The following RSPO2 variants were observed in gnomAD, a reference collection of about 807,000 sequenced individuals.
RSPO2 encodes the protein R-spondin-2.
RSPO2 carries 14 observed loss-of-function variants against 30.9 expected under a neutral mutation model. That is an observed-to-expected ratio of 0.45 (90% confidence interval 0.30 to 0.71). RSPO2 has a LOEUF of 0.71. Ranked by LOEUF, RSPO2 falls within the 30% of genes least tolerant of loss-of-function variation. The probability of loss-of-function intolerance (pLI) is 0.08; values close to 1 mark genes in which losing one functional copy is unlikely to be tolerated. For missense variants in RSPO2, 264 were observed against 301.9 expected, an observed-to-expected ratio of 0.87 and a Z score of 0.93; for synonymous variants, 107 against 96.4, an observed-to-expected ratio of 1.11 and a Z score of -0.64.
In RSPO2 at chr8:107,988,970, T is replaced by A. The variant is rs114645439; in HGVS notation, c.283+86A>T. 5,713 of 1,258,568 alleles carry A rather than the reference T, an allele frequency of 4.5e-3. 89 individuals carry two copies. In the African/African-American group the frequency reaches 0.047, roughly 10 times the overall value. The allele number at this position is 1,258,568 out of a possible 1,614,324, so 78.0% of individuals were successfully genotyped here. ...TCACCTATTACAAACACATTTTTTT[T>A]AAAAAAATCATTCAAAATCTTCAAC... On this transcript the variant is annotated intron_variant, in intron 3 of 5. Coordinates refer to ENST00000276659, the MANE Select transcript of RSPO2 (RefSeq NM_178565.5).
chr8:107,906,052 A>C (rs1195226728), intron 5 of RSPO2, among the ~76,000 whole-genome samples: 1 of 152,048 alleles, frequency 6.6e-6, no homozygotes, highest in African/African-American at 2.4e-5. Flanking sequence ...ACTTGTAAGA[A>C]TGTCATGAGA....
chr8:107,992,506 A>G (rs1814881298), intron 2 of RSPO2, among the ~76,000 whole-genome samples: 1 of 152,138 alleles, frequency 6.6e-6, no homozygotes, highest in African/African-American at 2.4e-5. Context: ...AACCCCCATG[A>G]CACAAGTTTA....
intron 3 of RSPO2, 25 bp from the exon 4 acceptor site, chr8:107,960,842 A>G: frequency 6.5e-7 from 1 of 1,530,908 alleles, no homozygotes; most frequent in Non-Finnish European, 8.8e-7. Flanking sequence ...AAAGAGAAAA[A>G]AGAAAATTTC....
chr8:107,987,184 C>T (rs914268168), intron 3 of RSPO2, among the ~76,000 whole-genome samples: 2 of 152,134 alleles, frequency 1.3e-5, no homozygotes, highest in African/African-American at 4.8e-5. Context: ...CCAGGCCCCA[C>T]TGGTTCTATT....
At chr8:107,974,231 A>T (rs1023004510) in intron 3 of RSPO2, among the ~76,000 whole-genome samples, 1 of 152,030 alleles carries the variant, frequency 6.6e-6, no homozygotes, top group Non-Finnish European at 1.5e-5. Flanking sequence ...TTATGCCAGT[A>T]ATTCCAACAC....
intron 5 of RSPO2, among the ~76,000 whole-genome samples, chr8:107,936,375 A>C (rs1467327751): frequency 6.6e-6 from 1 of 152,090 alleles, no homozygotes; most frequent in Non-Finnish European, 1.5e-5. Flanking sequence ...GTTTGATTCC[A>C]TATCTTTGCT....
intron 3 of RSPO2, among the ~76,000 whole-genome samples, chr8:107,973,697 C>T (rs999513662): frequency 3.9e-5 from 6 of 152,136 alleles, no homozygotes; most frequent in African/African-American, 1.4e-4. Flanking sequence ...TTTTCTCCAG[C>T]CCCTGAAAGG....
At chr8:108,008,371 G>A (rs1312801800) in intron 2 of RSPO2, among the ~76,000 whole-genome samples, 1 of 152,136 alleles carries the variant, frequency 6.6e-6, no homozygotes, top group Non-Finnish European at 1.5e-5. Context: ...GTTCATCACT[G>A]TTGGGTAGCC....
chr8:108,068,253 G>C (rs1191361395), intron 2 of RSPO2, among the ~76,000 whole-genome samples: 1 of 152,184 alleles, frequency 6.6e-6, no homozygotes, highest in Admixed American at 6.5e-5. Context: ...AAAGGAACTT[G>C]AGGTTACATA....
intron 5 of RSPO2, among the ~76,000 whole-genome samples, chr8:107,930,404 A>C (rs575360964): frequency 6.6e-6 from 1 of 152,332 alleles, no homozygotes; most frequent in East Asian, 1.9e-4. Context: ...AAGAGAAATT[A>C]AATTTCACAG....
At chr8:108,024,749 G>A (rs56390511) in intron 2 of RSPO2, among the ~76,000 whole-genome samples, 57 of 152,302 alleles carry the variant, frequency 3.7e-4, no homozygotes, top group Non-Finnish European at 7.2e-4. Context: ...GCTGGGCATG[G>A]TGGCTCACGC....
chr8:107,901,644 A>G (rs944400569), intron 5 of RSPO2, among the ~76,000 whole-genome samples: 1 of 152,250 alleles, frequency 6.6e-6, no homozygotes, highest in Non-Finnish European at 1.5e-5. Context: ...GGGGAAAAAG[A>G]GTCTTGCTTT....
rs1337201568 is a variant in RSPO2 at position 107,900,737 on chromosome 8, C to G, written c.*338G>C. On this transcript the variant is annotated 3_prime_UTR_variant, in exon 6 of 6. Transcript: ENST00000276659. ...AGTGAGTAGCGCATTGCCTGCCAAG[C>G]ATCTTCTTTCACATAAATAGGCACA... 4.7e-6 allele frequency: 1 copy of G among 211,738 alleles called. No homozygotes were observed. The highest frequency in any genetic ancestry group is 9.3e-6 in the Non-Finnish European group (1 of 107,330). 13.1% of individuals were successfully genotyped at this position (211,738 alleles called of 1,614,324 possible). A position where few individuals can be genotyped will look rare whatever the true frequency, so the allele number is the denominator to read the frequency against.
intron 5 of RSPO2, among the ~76,000 whole-genome samples, chr8:107,911,442 G>T (rs1425157564): frequency 2.0e-5 from 3 of 152,134 alleles, no homozygotes; most frequent in Non-Finnish European, 1.5e-5. Flanking sequence ...TCAAAGCAGA[G>T]TTATGCCACT....
chr8:108,062,061 T>C (rs1373185312), intron 2 of RSPO2, among the ~76,000 whole-genome samples: 1 of 151,792 alleles, frequency 6.6e-6, no homozygotes, highest in Admixed American at 6.6e-5. Context: ...CTTATAGCAC[T>C]AAATGCCCAC....
At chr8:107,918,092 T>C (rs1029666795) in intron 5 of RSPO2, among the ~76,000 whole-genome samples, 1 of 152,202 alleles carries the variant, frequency 6.6e-6, no homozygotes, top group African/African-American at 2.4e-5. Context: ...GTTAATTGAA[T>C]GGACTGAACT....
intron 2 of RSPO2, among the ~76,000 whole-genome samples, chr8:108,018,319 A>G (rs1396016395): frequency 2.0e-5 from 3 of 152,206 alleles, no homozygotes. Flanking sequence ...AAGAATGCCT[A>G]TAGTAATGAC....
chr8:108,049,182 G>T (rs2130674840), intron 2 of RSPO2, among the ~76,000 whole-genome samples: 1 of 151,882 alleles, frequency 6.6e-6, no homozygotes, highest in East Asian at 2.0e-4. Flanking sequence ...AACCAACATG[G>T]CACACGTATA....
chr8:108,000,920 T>C (rs1009477296), intron 2 of RSPO2, among the ~76,000 whole-genome samples: 4 of 151,896 alleles, frequency 2.6e-5, no homozygotes, highest in Non-Finnish European at 5.9e-5. Context: ...GAGAATGGCT[T>C]GAACCAGGGA....
Sources: gnomAD v4.1 joint callset for allele counts (sites outside exome capture counted in the v4.1 genomes callset) on GRCh38, gnomAD v4.1.1 for gene constraint, MANE v1.5 for transcripts, NCBI Gene and HGNC (gene_info 2026-07-23, HGNC 2026-07-21) for gene names.